The following PREP variants were observed in gnomAD, a reference collection of about 807,000 sequenced individuals.
PREP encodes prolyl endopeptidase.
Under a neutral mutation model 87.6 loss-of-function variants are expected in PREP, and 29 were observed. The observed-to-expected ratio is 0.33, with a 90% CI of 0.25 to 0.45. PREP has a LOEUF of 0.45. PREP is among the 20% of genes least tolerant of loss of function. The probability of loss-of-function intolerance (pLI) is 1.00; values close to 1 mark genes in which losing one functional copy is unlikely to be tolerated. For missense variants in PREP, 695 were observed against 886.5 expected (o/e 0.78, Z 2.74); for synonymous variants, 337 against 328.6 (o/e 1.03, Z -0.28).
At chr6:105,386,942 G>A (rs528782768) in intron 2 of PREP, among the ~76,000 whole-genome samples, 1 of 152,312 alleles carries the variant, frequency 6.6e-6, no homozygotes, top group South Asian at 2.1e-4. Context: ...GCCGGGTGCG[G>A]TGTTTCATGC....
At chr6:105,300,709 A>G (rs549187540) in intron 10 of PREP, among the ~76,000 whole-genome samples, 1 of 152,336 alleles carries the variant, frequency 6.6e-6, no homozygotes, top group South Asian at 2.1e-4. Context: ...TCTGTTGTCA[A>G]GCACAACTTT....
chr6:105,297,578 T>C (rs1465051769), intron 10 of PREP, among the ~76,000 whole-genome samples: 1 of 152,184 alleles, frequency 6.6e-6, no homozygotes, highest in Non-Finnish European at 1.5e-5. Context: ...TCTTTCTGAG[T>C]GTCCACTGTG....
intron 10 of PREP, among the ~76,000 whole-genome samples, chr6:105,305,374 C>A (rs1458932135): frequency 1.3e-5 from 2 of 151,918 alleles, no homozygotes; most frequent in Non-Finnish European, 2.9e-5. Flanking sequence ...TGAGTGTGGC[C>A]CCGAATTAAG....
intron 1 of PREP, among the ~76,000 whole-genome samples, chr6:105,398,372 C>A (rs556666865): frequency 6.6e-6 from 1 of 152,340 alleles, no homozygotes; most frequent in African/African-American, 2.4e-5. Flanking sequence ...ATTAGAAAAT[C>A]TCCCTGCAAT....
intron 7 of PREP, among the ~76,000 whole-genome samples, chr6:105,350,403 A>G (rs1055957855): frequency 2.0e-5 from 3 of 152,116 alleles, no homozygotes; most frequent in Non-Finnish European, 2.9e-5. Context: ...TTAGTGGCGG[A>G]GCTGAGAGTA....
intron 7 of PREP, among the ~76,000 whole-genome samples, chr6:105,336,165 C>G (rs544862509): frequency 6.6e-6 from 1 of 152,108 alleles, no homozygotes; most frequent in African/African-American, 2.4e-5. Context: ...GAGGCTGAGG[C>G]AAGAGAATTG....
rs967491456 is a variant in PREP, at chr6:105,322,844, A to C, written c.1317+821T>G. 23 of 1,153,780 alleles carry C rather than the reference A, an allele frequency of 2.0e-5. No homozygotes were observed. In the African/African-American group the frequency reaches 3.5e-4, roughly 18 times the overall value. 71.5% of individuals were successfully genotyped at this position (1,153,780 alleles called of 1,614,324 possible). A position where few individuals can be genotyped will look rare whatever the true frequency, so the allele number is the denominator to read the frequency against. On this transcript the variant is annotated intron_variant, in intron 10 of 14. Transcript: ENST00000652536. ...ATCTAGACCATTTCTAGACAATTGA[A>C]GGGTAATTCACCAAGCTATAATAAT...
At position 105,277,902 on chromosome 6, in the gene PREP, T is replaced by TTAAAAAA. The variant is rs1364437970; in HGVS notation, c.*235_*241dup. ...TTTAGCTATTTATCCCAACATGCCC[T>TTAAAAAA]TAAAAAAAACACCAAAAAACCACAT... On this transcript the variant is annotated 3_prime_UTR_variant, in exon 15 of 15. Transcript: ENST00000652536. 3 of 562,082 alleles carry TTAAAAAA rather than the reference T, an allele frequency of 5.3e-6. No individual in the cohort carries two copies. The highest frequency in any genetic ancestry group is 9.3e-6 in the Non-Finnish European group (3 of 322,866). The allele number at this position is 562,082 out of a possible 1,614,324, so 34.8% of individuals were successfully genotyped here. A position where few individuals can be genotyped will look rare whatever the true frequency, so the allele number is the denominator to read the frequency against.
intron 4 of PREP, 34 bp downstream of exon 4, chr6:105,376,091 A>G (rs9486071): frequency 0.23 from 365,559 of 1,598,734 alleles, 49,730 homozygotes; most frequent in African/African-American, 0.62. Flanking sequence ...TGAGGGTCTT[A>G]GGAGTTCCAC....
chr6:105,312,576 A>G (rs1770779298), intron 10 of PREP, among the ~76,000 whole-genome samples: 1 of 152,172 alleles, frequency 6.6e-6, no homozygotes, highest in Non-Finnish European at 1.5e-5. Flanking sequence ...AGCCAGCACC[A>G]CTTCTCAGGG....
In PREP at chr6:105,276,656, A is replaced by C. The variant is rs1400497740; in HGVS notation, c.*1488T>G. Among the ~76,000 whole-genome samples the C allele has an allele frequency of 1.3e-5, 2 of 152,238 alleles. No individual in the cohort carries two copies. Among genetic ancestry groups the C allele is most frequent in the South Asian group, 2.1e-4 (1 of 4,836 alleles). On this transcript the variant is annotated 3_prime_UTR_variant, in exon 15 of 15. Coordinates refer to ENST00000652536, the MANE Select transcript of PREP (RefSeq NM_002726.5). ...TTTGTTTCCAGAGGAGTTATGGTGA[A>C]TCTTATACTCAATGACAACTGTATT...
intron 6 of PREP, among the ~76,000 whole-genome samples, chr6:105,362,317 T>C (rs1772273079): frequency 6.6e-6 from 1 of 152,094 alleles, no homozygotes; most frequent in South Asian, 2.1e-4. Flanking sequence ...AAAAATTAGC[T>C]GGGCTTGGTG....
At chr6:105,328,349 C>G (rs923413279) in intron 9 of PREP, among the ~76,000 whole-genome samples, 1 of 151,990 alleles carries the variant, frequency 6.6e-6, no homozygotes, top group Admixed American at 6.5e-5. Context: ...CCTCCACCTC[C>G]CGGGTTCAAG....
chr6:105,318,223 C>T (rs1257005805), intron 10 of PREP, among the ~76,000 whole-genome samples: 1 of 152,098 alleles, frequency 6.6e-6, no homozygotes, highest in Admixed American at 6.6e-5. Flanking sequence ...CTCAAAACCT[C>T]TTTGCAACCG....
intron 4 of PREP, among the ~76,000 whole-genome samples, chr6:105,375,724 ATT>A (rs1173795517): frequency 2.0e-5 from 3 of 152,252 alleles, no homozygotes; most frequent in Non-Finnish European, 4.4e-5. Flanking sequence ...TCTGATAAAC[ATT>A]CTTTCCTGTT....
chr6:105,308,399 G>C (rs765281660), intron 10 of PREP, among the ~76,000 whole-genome samples: 4 of 152,182 alleles, frequency 2.6e-5, no homozygotes, highest in Non-Finnish European at 5.9e-5. Context: ...ACAACCTAGA[G>C]TTGGAGGGCT....
intron 7 of PREP, among the ~76,000 whole-genome samples, chr6:105,350,303 T>C (rs2114680510): frequency 6.6e-6 from 1 of 152,246 alleles, no homozygotes; most frequent in African/African-American, 2.4e-5. Context: ...TTCCTCACAA[T>C]TCCCTATGAA....
At position 105,304,275 on chromosome 6, in the gene PREP, C is replaced by T. The variant is rs1206838934; in HGVS notation, c.1318-15381G>A. 2.0e-5 allele frequency among the ~76,000 whole-genome samples: 3 copies of T among 152,284 alleles called. No homozygotes were observed. The East Asian group carries it at 5.8e-4, about 29-fold the overall frequency. On this transcript the variant is annotated intron_variant, in intron 10 of 14. Transcript: ENST00000652536. Reference sequence around the variant, plus strand: ...ACAACCATAGGCTGTATGCAAATGCCGTGCCATTTTATATAACAAACTTGA... The same window carrying T: ...ACAACCATAGGCTGTATGCAAATGCTGTGCCATTTTATATAACAAACTTGA...
chr6:105,354,054 A>G (rs952691678), intron 6 of PREP, among the ~76,000 whole-genome samples: 1 of 152,162 alleles, frequency 6.6e-6, no homozygotes, highest in Non-Finnish European at 1.5e-5. Context: ...ATCAAACTAT[A>G]CATATTCTTT....
Sources: gnomAD v4.1 joint callset for allele counts (sites outside exome capture counted in the v4.1 genomes callset) on GRCh38, gnomAD v4.1.1 for gene constraint, MANE v1.5 for transcripts, NCBI Gene and HGNC (gene_info 2026-07-23, HGNC 2026-07-21) for gene names.